Variants in TTC39A observed in about 807,000 individuals in gnomAD.
The protein encoded by TTC39A is tetratricopeptide repeat protein 39A.
A neutral mutation model predicts 82.3 loss-of-function variants in TTC39A; 46 were observed. That is an observed-to-expected ratio of 0.56 (90% CI 0.44 to 0.71). The LOEUF is 0.71. TTC39A is among the 30% of genes least tolerant of loss of function. The pLI is 0.00. For synonymous variants in TTC39A, 254 were observed against 275.2 expected (o/e 0.92, Z 0.76); for missense variants, 543 against 712.9 (o/e 0.76, Z 2.71).
intron 14 of TTC39A, among the ~76,000 whole-genome samples, chr1:51,292,117 G>A (rs1232456832): frequency 6.6e-6 from 1 of 152,170 alleles, no homozygotes; most frequent in Admixed American, 6.5e-5. Context: ...CCAGGAGTTT[G>A]AGGCTGTGGT....
chr1:51,334,370 G>A (rs1057093217), upstream of TTC39A, among the ~76,000 whole-genome samples: 29 of 152,228 alleles, frequency 1.9e-4, no homozygotes, highest in Non-Finnish European at 3.2e-4. Flanking sequence ...AGGTGTGGTG[G>A]TGCATGCCTA....
upstream of TTC39A, among the ~76,000 whole-genome samples, chr1:51,332,746 G>A (rs1441654567): frequency 6.6e-6 from 1 of 152,020 alleles, no homozygotes; most frequent in Non-Finnish European, 1.5e-5. Flanking sequence ...TGTGAATAAG[G>A]GTAAAAAAAT....
At chr1:51,309,364 G>A in intron 5 of TTC39A, 39 bp from the exon 6 acceptor site, 1 of 1,612,256 alleles carries the variant, frequency 6.2e-7, no homozygotes, top group Non-Finnish European at 8.5e-7. Context: ...GGCCCAGGTG[G>A]GCAGCTGCAG....
intron 6 of TTC39A, among the ~76,000 whole-genome samples, chr1:51,308,780 C>T (rs963007892): frequency 3.3e-5 from 5 of 151,758 alleles, no homozygotes; most frequent in Admixed American, 6.6e-5. Context: ...CGTGCATGCA[C>T]GTGTGTGTGT....
intron 1 of TTC39A, among the ~76,000 whole-genome samples, chr1:51,344,414 G>A (rs1646072530): frequency 6.6e-6 from 1 of 152,150 alleles, no homozygotes; most frequent in African/African-American, 2.4e-5. Flanking sequence ...AACTTATCCC[G>A]GAGGTAGGGT....
intron 2 of TTC39A, among the ~76,000 whole-genome samples, chr1:51,320,416 C>CTTTTTTTTT (rs57261779): frequency 2.5e-5 from 2 of 79,468 alleles, no homozygotes; most frequent in African/African-American, 1.0e-4. Context: ...TTTTCTTTTT[C>CTTTTTTTTT]TTTTTTTTTT....
At chr1:51,290,240 C>A in intron 15 of TTC39A, 121 bp from the exon 16 acceptor site, 2 of 880,352 alleles carry the variant, frequency 2.3e-6, no homozygotes, top group South Asian at 1.7e-5. Flanking sequence ...AGTCCCTGTC[C>A]TCAGCAGGGG....
intron 5 of TTC39A, 41 bp downstream of exon 5, chr1:51,311,210 ATCT>A (rs2148224688): frequency 6.5e-7 from 1 of 1,537,082 alleles, no homozygotes; most frequent in East Asian, 2.4e-5. Flanking sequence ...GTGGAAACTG[ATCT>A]TCTGAAATCC....
Position 51,288,169 on chromosome 1 carries a change from T to C in TTC39A, c.1722A>G (p.Ser574=). Residue 574 remains serine, a synonymous_variant, in exon 18 of 18, where the codon TCA becomes TCG. Coordinates refer to ENST00000680483, the MANE Select transcript of TTC39A (RefSeq NM_001297663.2). The surrounding 1 kb of genome is among the most constrained non-coding windows in gnomAD (Gnocchi z 4.8). Reference sequence around the variant, plus strand: ...CTGCTGCACAAAGCTACAAGGACACTGATGAGACCATGGATCTGCTGCTGT... The same window carrying C: ...CTGCTGCACAAAGCTACAAGGACACCGATGAGACCATGGATCTGCTGCTGT... ...LENSSRSMVS[S]VSL 1 of 1,614,068 alleles carries C rather than the reference T, an allele frequency of 6.2e-7. No individual in the cohort carries two copies. The highest frequency in any genetic ancestry group is 8.5e-7 in the Non-Finnish European group (1 of 1,179,906).
rs375056051 is a variant in TTC39A at position 51,312,031 on chromosome 1, G to A, written c.355+88C>T. 1.2e-3 allele frequency: 1,623 copies of A among 1,387,314 alleles called. 27 individuals are homozygous for A. In the South Asian group the frequency reaches 0.02, roughly 17 times the overall value. The allele number at this position is 1,387,314 out of a possible 1,614,324, so 85.9% of individuals were successfully genotyped here. On this transcript the variant is annotated intron_variant, in intron 4 of 17. Coordinates refer to ENST00000680483, the MANE Select transcript of TTC39A (RefSeq NM_001297663.2). ...GACACCAGGGCCTGGCCCCCTAGGC[G>A]ATGACAGGGAAGAAAACTGCCCCTT...
chr1:51,311,225 A>G (rs1440355581), intron 5 of TTC39A, 29 bp downstream of exon 5: 11 of 1,554,974 alleles, frequency 7.1e-6, no homozygotes, highest in Non-Finnish European at 9.6e-6. Context: ...CTGAAATCCC[A>G]GCCTCTTTGT....
intron 1 of TTC39A, among the ~76,000 whole-genome samples, chr1:51,339,749 C>A (rs1260984515): frequency 6.6e-6 from 1 of 152,138 alleles, no homozygotes; most frequent in South Asian, 2.1e-4. Context: ...CATGGTGAAA[C>A]CCCATCTCTA....
chr1:51,338,900 G>C (rs1193995440), intron 1 of TTC39A, among the ~76,000 whole-genome samples: 1 of 152,178 alleles, frequency 6.6e-6, no homozygotes, highest in Non-Finnish European at 1.5e-5. Flanking sequence ...ACTACACCCA[G>C]CCTGATTTAT....
upstream of TTC39A, chr1:51,330,572 G>A (rs1030385750): frequency 2.8e-5 from 28 of 983,134 alleles, no homozygotes; most frequent in Non-Finnish European, 3.4e-5. This position sits in a 1 kb window ranked among gnomAD's most constrained non-coding sequence, Gnocchi z 4.5. Context: ...TGCGGTCGCG[G>A]ACGCGGCGGC....
intron 8 of TTC39A, among the ~76,000 whole-genome samples, chr1:51,304,423 A>G (rs1644795555): frequency 1.3e-5 from 2 of 152,170 alleles, no homozygotes; most frequent in African/African-American, 4.8e-5. Flanking sequence ...TATTTTACTA[A>G]AAAGAGGCTC....
intron 2 of TTC39A, among the ~76,000 whole-genome samples, chr1:51,318,959 C>A (rs948721589): frequency 6.6e-6 from 1 of 151,952 alleles, no homozygotes; most frequent in African/African-American, 2.4e-5. Context: ...AGAAAGCACC[C>A]CATGAGAAGA....
chr1:51,323,220 G>A (rs1021100241), intron 1 of TTC39A, among the ~76,000 whole-genome samples: 1 of 151,816 alleles, frequency 6.6e-6, no homozygotes, highest in African/African-American at 2.4e-5. Flanking sequence ...TCCCTTCTCT[G>A]GCCTCTGTCA....
rs775858651 is a variant in TTC39A, at chr1:51,303,123, G to A, written c.724C>T (p.Leu242Phe). Residue 242 changes from leucine (L) to phenylalanine (F), a missense_variant, in exon 9 of 18, where the codon CTC becomes TTC. Leu to Phe is a conservative substitution (Grantham distance 22). Coordinates refer to ENST00000680483, the MANE Select transcript of TTC39A (RefSeq NM_001297663.2). ...HSFRSVLCVM[L>F]LLCYHTFLTF... ...AGGAAGGTGTGGTAGCACAGCAGGA[G>A]CATGACACAGAGCACAGAGCGGAAG... 1.9e-6 allele frequency: 3 copies of A among 1,587,874 alleles called. No homozygotes were observed. The highest frequency in any genetic ancestry group is 2.3e-5 in the East Asian group (1 of 43,274).
chr1:51,322,275 C>T, intron 1 of TTC39A: 1 of 1,442,950 alleles, frequency 6.9e-7, no homozygotes, highest in Non-Finnish European at 9.1e-7. Context: ...CTCTAGAATC[C>T]CTGACGTTGT....
Sources: gnomAD v4.1 joint callset for allele counts (sites outside exome capture counted in the v4.1 genomes callset) on GRCh38, gnomAD v4.1.1 for gene constraint, Gnocchi (gnomAD v3.1) non-coding constraint, MANE v1.5 for transcripts, NCBI Gene and HGNC (gene_info 2026-07-23, HGNC 2026-07-21) for gene names.